The following LSM2 variants were observed in gnomAD, a reference collection of about 807,000 sequenced individuals.
LSM2 encodes U6 snRNA-associated Sm-like protein LSm2.
In LSM2, 12 loss-of-function variants were observed where a neutral mutation model predicts 17.0. The ratio of observed to expected loss-of-function variants is 0.70; its 90% confidence interval spans 0.45 to 1.14. LSM2 has a LOEUF of 1.14. Ranked by LOEUF, LSM2 falls within the 50% of genes most tolerant of loss-of-function variation. LSM2 has a pLI of 0.00. For synonymous variants in LSM2, 42 were observed against 44.5 expected (o/e 0.94, Z 0.22); for missense variants, 62 against 111.8 (o/e 0.55, Z 2.01).
chr6:31,800,921 T>G (rs1204537627), intron 2 of LSM2, among the ~76,000 whole-genome samples: 2 of 151,298 alleles, frequency 1.3e-5, no homozygotes, highest in Admixed American at 6.6e-5. Flanking sequence ...CTGGGCATTG[T>G]GGTGTGCACC....
In LSM2 at chr6:31,797,903, A is replaced by T. The variant is rs755557127; in HGVS notation, c.163-21T>A. 1.4e-5 allele frequency: 22 copies of T among 1,612,850 alleles called. 1 individual carries two copies. The East Asian group carries it at 4.9e-4, about 36-fold the overall frequency. On this transcript the variant is annotated intron_variant, in intron 4 of 4. Transcript: ENST00000375661. ...GATAACTAGACAAAGATGGACAAAT[A>T]TGAAAACACCCTTAAAAATGTCCTC...
chr6:31,805,115 A>C lies in LSM2; in HGVS notation c.71+960T>G, dbSNP rs968282380. Among the ~76,000 whole-genome samples, 9 of 151,392 alleles carry C rather than the reference A, an allele frequency of 5.9e-5. 1 individual carries two copies. The highest frequency in any genetic ancestry group is 1.2e-4 in the Non-Finnish European group (8 of 67,934). On this transcript the variant is annotated intron_variant, in intron 2 of 4. Coordinates refer to ENST00000375661, the MANE Select transcript of LSM2 (RefSeq NM_021177.5). Reference sequence around the variant, plus strand: ...AGTCTTCCTCTGTCAACCAGGCTGGAGTAAAGTGATACAATCATGGCTCAC... The same window carrying C: ...AGTCTTCCTCTGTCAACCAGGCTGGCGTAAAGTGATACAATCATGGCTCAC...
intron 2 of LSM2, among the ~76,000 whole-genome samples, chr6:31,799,045 T>G (rs1440027973): frequency 1.3e-5 from 2 of 152,090 alleles, no homozygotes; most frequent in African/African-American, 2.4e-5. Context: ...CAAACCAACC[T>G]ATTCTTAACA....
chr6:31,798,528 G>A, intron 2 of LSM2, 21 bp from the exon 3 acceptor site: 2 of 1,612,536 alleles, frequency 1.2e-6, no homozygotes, highest in Non-Finnish European at 1.7e-6. Context: ...CAGAGGGAGA[G>A]AAGAATCAAA....
intron 2 of LSM2, 147 bp downstream of exon 2, chr6:31,805,928 T>C: frequency 1.4e-6 from 1 of 700,598 alleles, no homozygotes; most frequent in South Asian, 1.8e-5. Context: ...AGTGCTGGGA[T>C]TACAGGCTTG....
chr6:31,802,233 T>C (rs1356485349), intron 2 of LSM2, among the ~76,000 whole-genome samples: 1 of 150,398 alleles, frequency 6.6e-6, no homozygotes. Flanking sequence ...TGACCCGAGA[T>C]CATGCCACTG....
rs960782045 is a variant in LSM2 at position 31,806,923 on chromosome 6, C to G, written c.-166G>C. ...CAAGCGCTGACGGGCAAAGCGCGGCCGACTTGCGGCTGGGGAGCGCAAGCT... is the reference window on the plus strand; with the variant it reads ...CAAGCGCTGACGGGCAAAGCGCGGCGGACTTGCGGCTGGGGAGCGCAAGCT... On this transcript the variant is annotated 5_prime_UTR_variant, in exon 1 of 5. Coordinates refer to ENST00000375661, the MANE Select transcript of LSM2 (RefSeq NM_021177.5). 4.4e-6 allele frequency: 4 copies of G among 901,614 alleles called. No homozygotes were observed. Among genetic ancestry groups the G allele is most frequent in the Non-Finnish European group, 6.5e-6 (4 of 611,938 alleles). 55.9% of individuals were successfully genotyped at this position (901,614 alleles called of 1,614,324 possible). A position where few individuals can be genotyped will look rare whatever the true frequency, so the allele number is the denominator to read the frequency against.
At chr6:31,806,674 C>T (rs2062014437) in intron 1 of LSM2, 81 bp downstream of exon 1, 1 of 1,558,730 alleles carries the variant, frequency 6.4e-7, no homozygotes, top group Non-Finnish European at 8.7e-7. Flanking sequence ...TAACTCCAGC[C>T]TAGGGGTACA....
At chr6:31,799,646 AT>A (rs1814582543) in intron 2 of LSM2, among the ~76,000 whole-genome samples, 1 of 142,374 alleles carries the variant, frequency 7.0e-6, no homozygotes, top group Admixed American at 7.1e-5. Context: ...ATGAGCCACC[AT>A]TCCCGACTTT....
chr6:31,803,769 T>C lies in LSM2; in HGVS notation c.71+2306A>G, dbSNP rs547195937. On this transcript the variant is annotated intron_variant, in intron 2 of 4. Transcript: ENST00000375661. ...CTAATTTTTGTATTTTTAGTAGAGA[T>C]GGAGTTTCACCATGTTGGCCAAGCT... Among the ~76,000 whole-genome samples the C allele has an allele frequency of 7.0e-4, 107 of 152,100 alleles. 1 individual carries two copies. Among genetic ancestry groups the C allele is most frequent in the Admixed American group, 3.2e-3 (49 of 15,242 alleles).
At chr6:31,800,355 AAAT>A (rs1017025017) in intron 2 of LSM2, among the ~76,000 whole-genome samples, 1 of 152,064 alleles carries the variant, frequency 6.6e-6, no homozygotes, top group African/African-American at 2.4e-5. Flanking sequence ...AAATAAATAA[AAAT>A]AATCGTAATA....
chr6:31,804,757 T>C (rs1053144770), intron 2 of LSM2, among the ~76,000 whole-genome samples: 2 of 145,028 alleles, frequency 1.4e-5, no homozygotes, highest in African/African-American at 5.2e-5. Context: ...GCCTGTTCTT[T>C]TTTTTCTTTT....
intron 2 of LSM2, among the ~76,000 whole-genome samples, chr6:31,798,985 T>C (rs1335144489): frequency 6.6e-6 from 1 of 151,874 alleles, no homozygotes; most frequent in Admixed American, 6.6e-5. Flanking sequence ...ATCTGCCCAC[T>C]TCAGCTCCCC....
At chr6:31,806,048 A>C in intron 2 of LSM2, 27 bp downstream of exon 2, 1 of 1,610,290 alleles carries the variant, frequency 6.2e-7, no homozygotes, top group Non-Finnish European at 8.5e-7. Flanking sequence ...ACCCACCCCC[A>C]ACAGACTTGT....
At chr6:31,800,234 G>C (rs914019675) in intron 2 of LSM2, among the ~76,000 whole-genome samples, 1 of 152,094 alleles carries the variant, frequency 6.6e-6, no homozygotes, top group Non-Finnish European at 1.5e-5. Flanking sequence ...TACTCGGGAG[G>C]CTGAAGCAGG....
intron 2 of LSM2, among the ~76,000 whole-genome samples, chr6:31,801,169 T>TC (rs1814679174): frequency 3.2e-5 from 2 of 62,238 alleles, no homozygotes; most frequent in African/African-American, 2.1e-4. Flanking sequence ...AGGATCTGTC[T>TC]CAAAAAAAAA....
intron 1 of LSM2, 190 bp downstream of exon 1, chr6:31,806,565 T>C: frequency 7.3e-6 from 6 of 818,076 alleles, no homozygotes; most frequent in Non-Finnish European, 1.2e-5. Flanking sequence ...TGGGGTTTTT[T>C]CCCTCATCAT....
intron 2 of LSM2, among the ~76,000 whole-genome samples, chr6:31,798,890 T>C (rs897737632): frequency 6.6e-6 from 1 of 151,778 alleles, no homozygotes; most frequent in Admixed American, 6.6e-5. Flanking sequence ...GCGCATGCCA[T>C]CATGCCCGGC....
chr6:31,798,382 A>G, intron 3 of LSM2, 95 bp downstream of exon 3: 1 of 1,480,788 alleles, frequency 6.8e-7, no homozygotes, highest in Non-Finnish European at 9.4e-7. Flanking sequence ...GACGAACACC[A>G]TTATTAACCC....
Sources: allele counts gnomAD v4.1 joint callset (sites outside exome capture counted in the v4.1 genomes callset), GRCh38; gene constraint gnomAD v4.1.1; transcripts MANE v1.5; gene names NCBI Gene and HGNC (gene_info 2026-07-23, HGNC 2026-07-21).